ZFPM2: variants seen among roughly 807,000 people sequenced by gnomAD.
ZFPM2 encodes the protein zinc finger protein, FOG family member 2, also known as zinc finger protein ZFPM2.
A neutral mutation model predicts 98.6 loss-of-function variants in ZFPM2; 20 were observed. The ratio of observed to expected loss-of-function variants is 0.20; its 90% confidence interval spans 0.14 to 0.29. The LOEUF is 0.29. Among genes scored for constraint, ZFPM2 ranks in the 10% least tolerant of loss-of-function variants. The probability of loss-of-function intolerance (pLI) is 1.00; values close to 1 mark genes in which losing one functional copy is unlikely to be tolerated. For missense variants in ZFPM2, 1,310 were observed against 1,388.6 expected (o/e 0.94, Z 0.90); for synonymous variants, 518 against 502.7 (o/e 1.03, Z -0.41).
intron 1 of ZFPM2, among the ~76,000 whole-genome samples, chr8:105,402,474 A>G (rs1357212320): frequency 6.6e-6 from 1 of 151,962 alleles, no homozygotes; most frequent in Non-Finnish European, 1.5e-5. Flanking sequence ...TAAAAAATTT[A>G]TTTTTATCTA....
chr8:105,325,895 A>G (rs544019903), intron 1 of ZFPM2, among the ~76,000 whole-genome samples: 2 of 151,848 alleles, frequency 1.3e-5, no homozygotes, highest in East Asian at 1.9e-4. Flanking sequence ...CATTAGGTAG[A>G]ATTGGTTTTG....
intron 1 of ZFPM2, among the ~76,000 whole-genome samples, chr8:105,412,286 A>C (rs1027944836): frequency 4.0e-5 from 6 of 151,886 alleles, no homozygotes; most frequent in African/African-American, 1.4e-4. Context: ...CTTTTTTTGC[A>C]TTAACATTTC....
intron 4 of ZFPM2, among the ~76,000 whole-genome samples, chr8:105,605,687 G>A (rs575035623): frequency 3.0e-4 from 46 of 152,102 alleles, no homozygotes; most frequent in African/African-American, 1.1e-3. Context: ...CAGCCTGATT[G>A]GTTTCTCATT....
At chr8:105,441,709 C>T (rs1401224321) in intron 2 of ZFPM2, among the ~76,000 whole-genome samples, 1 of 152,112 alleles carries the variant, frequency 6.6e-6, no homozygotes, top group African/African-American at 2.4e-5. Flanking sequence ...TAGTTCAGTA[C>T]TTACATGTAT....
intron 1 of ZFPM2, among the ~76,000 whole-genome samples, chr8:105,326,349 C>T (rs577891641): frequency 1.7e-4 from 25 of 151,502 alleles, no homozygotes; most frequent in Non-Finnish European, 3.1e-4. Context: ...AAAGTTATGC[C>T]GGAGAGTAAA....
At chr8:105,376,049 C>A (rs1281523149) in intron 1 of ZFPM2, among the ~76,000 whole-genome samples, 4 of 152,086 alleles carry the variant, frequency 2.6e-5, no homozygotes, top group African/African-American at 9.7e-5. Flanking sequence ...CCTCTTCTCT[C>A]TTCAACTCCA....
At chr8:105,800,913 T>C in intron 7 of ZFPM2, 134 bp from the exon 8 acceptor site, 1 of 802,856 alleles carries the variant, frequency 1.2e-6, no homozygotes, top group Non-Finnish European at 2.0e-6. Flanking sequence ...AAGAAAACAG[T>C]TAATATCACG....
At chr8:105,429,437 G>A (rs1811976192) in intron 2 of ZFPM2, among the ~76,000 whole-genome samples, 1 of 139,302 alleles carries the variant, frequency 7.2e-6, no homozygotes, top group African/African-American at 3.4e-5. Context: ...GCACAAGTTA[G>A]ACAAGGAAAT....
At chr8:105,773,774 G>T (rs1214741697) in intron 5 of ZFPM2, among the ~76,000 whole-genome samples, 1 of 151,996 alleles carries the variant, frequency 6.6e-6, no homozygotes, top group Non-Finnish European at 1.5e-5. Context: ...GAACATGGAA[G>T]TTTGATCTTA....
intron 5 of ZFPM2, among the ~76,000 whole-genome samples, chr8:105,656,163 A>ACG (rs1206529608): frequency 1.3e-5 from 2 of 152,228 alleles, no homozygotes; most frequent in South Asian, 2.1e-4. Flanking sequence ...AGAAACACAC[A>ACG]CACACACATA....
At chr8:105,557,863 C>T (rs1197196754) in intron 3 of ZFPM2, among the ~76,000 whole-genome samples, 1 of 152,056 alleles carries the variant, frequency 6.6e-6, no homozygotes, top group Non-Finnish European at 1.5e-5. Context: ...AGTCTGTGAC[C>T]CACCAGCCCA....
At chr8:105,365,521 C>T (rs910198271) in intron 1 of ZFPM2, among the ~76,000 whole-genome samples, 4 of 151,988 alleles carry the variant, frequency 2.6e-5, no homozygotes, top group East Asian at 1.9e-4. Flanking sequence ...AAGTGACCAA[C>T]GTAAGTCATG....
At chr8:105,521,489 A>G (rs1230470763) in intron 3 of ZFPM2, among the ~76,000 whole-genome samples, 1 of 152,200 alleles carries the variant, frequency 6.6e-6, no homozygotes, top group Middle Eastern at 3.2e-3. Context: ...AATTGCATTT[A>G]AATCATAGAA....
chr8:105,589,448 G>A (rs1436008579), intron 4 of ZFPM2, among the ~76,000 whole-genome samples: 1 of 152,088 alleles, frequency 6.6e-6, no homozygotes, highest in Non-Finnish European at 1.5e-5. Flanking sequence ...TGCCAACAAA[G>A]CTCAAAAAAC....
chr8:105,777,803 C>A (rs1813138349), intron 5 of ZFPM2, among the ~76,000 whole-genome samples: 1 of 152,120 alleles, frequency 6.6e-6, no homozygotes, highest in Non-Finnish European at 1.5e-5. Context: ...GTGGATAGAT[C>A]TATCTAACAA....
chr8:105,755,915 G>T (rs550979896), intron 5 of ZFPM2, among the ~76,000 whole-genome samples: 1 of 152,216 alleles, frequency 6.6e-6, no homozygotes, highest in African/African-American at 2.4e-5. Flanking sequence ...ACATGATATG[G>T]CTATCTGTCT....
chr8:105,586,272 T>C (rs1171015484), intron 4 of ZFPM2, among the ~76,000 whole-genome samples: 1 of 152,140 alleles, frequency 6.6e-6, no homozygotes, highest in African/African-American at 2.4e-5. Flanking sequence ...TTACTTTGTT[T>C]TGTTTCACCT....
chr8:105,723,332 AATCG>A (rs1266406657), intron 5 of ZFPM2, among the ~76,000 whole-genome samples: 2 of 151,880 alleles, frequency 1.3e-5, no homozygotes, highest in Non-Finnish European at 2.9e-5. Context: ...TCAGTGGTAT[AATCG>A]TTCCAGACTT....
chr8:105,465,388 T>C (rs1007713130), intron 3 of ZFPM2, among the ~76,000 whole-genome samples: 1 of 152,016 alleles, frequency 6.6e-6, no homozygotes, highest in Non-Finnish European at 1.5e-5. Context: ...TCTACATCTG[T>C]AACTGTCTAT....
Sources: gnomAD v4.1 joint callset for allele counts (sites outside exome capture counted in the v4.1 genomes callset) on GRCh38, gnomAD v4.1.1 for gene constraint, MANE v1.5 for transcripts, NCBI Gene and HGNC (gene_info 2026-07-23, HGNC 2026-07-21) for gene names.